REXO4: variants seen among roughly 807,000 people sequenced by gnomAD.
REXO4 encodes RNA exonuclease 4.
Under a neutral mutation model 39.9 loss-of-function variants are expected in REXO4, and 29 were observed. The observed-to-expected ratio is 0.73, with a 90% CI of 0.54 to 0.99. REXO4 has a LOEUF of 0.99. REXO4 is among the 50% of genes least tolerant of loss of function. REXO4 has a pLI of 0.00. For synonymous variants in REXO4, 184 were observed against 206.2 expected (o/e 0.89, Z 0.92); for missense variants, 524 against 546.5 (o/e 0.96, Z 0.41).
chr9:133,408,698 G>A, intron 6 of REXO4, 70 bp downstream of exon 6: 1 of 1,061,454 alleles, frequency 9.4e-7, no homozygotes, highest in East Asian at 2.4e-5. Flanking sequence ...TCAGCCACCA[G>A]TGACCAGAAA....
intron 1 of REXO4, among the ~76,000 whole-genome samples, chr9:133,415,395 T>C (rs1839521255): frequency 6.6e-6 from 1 of 151,604 alleles, no homozygotes; most frequent in South Asian, 2.1e-4. Flanking sequence ...GCCAACATCC[T>C]GCTACACAGA....
chr9:133,417,500 A>G, intron 1 of REXO4, 120 bp downstream of exon 1: 1 of 1,040,922 alleles, frequency 9.6e-7, no homozygotes. Flanking sequence ...AAAGCTGTTT[A>G]CAAGATTTCG....
chr9:133,412,164 C>T (rs1365104647), intron 4 of REXO4, 135 bp downstream of exon 4: 4 of 889,740 alleles, frequency 4.5e-6, no homozygotes, highest in East Asian at 2.4e-5. Flanking sequence ...TTTTAAAACC[C>T]ATCGCCCCAA....
At chr9:133,410,883 G>T in intron 5 of REXO4, 102 bp downstream of exon 5, 1 of 835,566 alleles carries the variant, frequency 1.2e-6, no homozygotes, top group Non-Finnish European at 2.1e-6. Flanking sequence ...CCAACATAGA[G>T]CACAAACCCA....
At chr9:133,410,926 C>A in intron 5 of REXO4, 59 bp downstream of exon 5, 1 of 1,263,804 alleles carries the variant, frequency 7.9e-7, no homozygotes, top group Non-Finnish European at 1.2e-6. Context: ...ACAGCAAGGG[C>A]GTGAGTGTAA....
chr9:133,414,243 G>A (rs1839414296), intron 2 of REXO4: 2 of 371,106 alleles, frequency 5.4e-6, no homozygotes, highest in African/African-American at 2.1e-5. Context: ...CTCCATCACA[G>A]GGTTGAAGTA....
chr9:133,410,567 G>A (rs1839160096), intron 5 of REXO4, among the ~76,000 whole-genome samples: 1 of 152,246 alleles, frequency 6.6e-6, no homozygotes, highest in Non-Finnish European at 1.5e-5. Flanking sequence ...GAAGGCAAAG[G>A]CAAGCTCCCA....
At chr9:133,408,442 G>C (rs1253210157) in intron 6 of REXO4, among the ~76,000 whole-genome samples, 4 of 150,376 alleles carry the variant, frequency 2.7e-5, no homozygotes, top group Non-Finnish European at 4.4e-5. Flanking sequence ...CTGGGTGACA[G>C]AGCAAGACCC....
At chr9:133,415,735 A>G (rs1167203851) in intron 1 of REXO4, 1 of 152,246 alleles carries the variant, frequency 6.6e-6, no homozygotes, top group Admixed American at 6.5e-5. Flanking sequence ...AAGTTTCCCT[A>G]TAGCACACAT....
intron 6 of REXO4, 58 bp from the exon 7 acceptor site, chr9:133,407,939 C>T: frequency 7.2e-7 from 1 of 1,389,672 alleles, no homozygotes; most frequent in Non-Finnish European, 1.0e-6. Context: ...AAGAGGGTCA[C>T]CCCACCAAGC....
Position 133,414,861 on chromosome 9 carries a change from C to T in REXO4, c.376G>A (p.Glu126Lys). The stretch of plus-strand genomic sequence containing the variant: ...GAAGGAACAGAGCCCCTGCTGGCCT[C>T]CTGGTCTTTTCCTGCCGGCATCTCC... ...GEEMPAGKDQEASRGSVPSGS... is the reference protein window; with the variant it reads ...GEEMPAGKDQKASRGSVPSGS... Residue 126 changes from glutamate to lysine, a missense_variant, in exon 2 of 8, where the codon GAG becomes AAG. Transcript: ENST00000371942. 6.2e-7 allele frequency: 1 copy of T among 1,614,158 alleles called. No homozygotes were observed.
Position 133,414,800 on chromosome 9 carries a change from C to T in REXO4, c.437G>A (p.Arg146His), listed in dbSNP as rs377306235. 31 of 1,614,042 alleles carry T rather than the reference C, an allele frequency of 1.9e-5. No individual in the cohort carries two copies. The African/African-American group carries it at 2.8e-4, about 15-fold the overall frequency. Residue 146 changes from arginine (R) to histidine (H), a missense_variant, in exon 2 of 8, where the codon CGC becomes CAC. Physicochemically the swap from Arg to His is conservative, Grantham distance 29. Transcript: ENST00000371942. The stretch of plus-strand genomic sequence containing the variant: ...GTGCTCTGTTCCACTGGCCTTGGTG[C>T]GAGGTACTGGCGCCCTCCTGTCCAT... ...SKMDRRAPVP[R>H]TKASGTEHNK... is the part of the protein sequence containing the mutation.
intron 1 of REXO4, among the ~76,000 whole-genome samples, chr9:133,416,370 A>T (rs56190949): frequency 2.6e-5 from 4 of 152,154 alleles, no homozygotes; most frequent in African/African-American, 7.2e-5. Flanking sequence ...TTTCTTTTTT[A>T]AAAAAACTAC....
rs782296694 is a variant in REXO4, at chr9:133,406,917, C to G, written c.*36G>C. 6.2e-7 allele frequency: 1 copy of G among 1,605,980 alleles called. No individual in the cohort carries two copies. The highest frequency in any genetic ancestry group is 1.7e-5 in the Admixed American group (1 of 60,028). On this transcript the variant is annotated 3_prime_UTR_variant, in exon 8 of 8. Transcript: ENST00000371942. The stretch of plus-strand genomic sequence containing the variant: ...GTCCCTGTGACTGGTCACATTGCCT[C>G]TGTAGCGGGGCGGCAGCAGCAGCAG...
chr9:133,414,735 C>T lies in REXO4; in HGVS notation c.502G>A (p.Val168Ile), dbSNP rs140261963. 95 of 1,614,162 alleles carry T rather than the reference C, an allele frequency of 5.9e-5. 1 individual carries two copies. The African/African-American group carries it at 1.1e-3, about 18-fold the overall frequency. Residue 168 changes from valine (V) to isoleucine (I), a missense_variant, in exon 2 of 8, where the codon GTT becomes ATT. Transcript: ENST00000371942. Reference protein sequence around the residue: ...GTKERTNGDIVPERGDIEHKK... With the variant: ...GTKERTNGDIIPERGDIEHKK... The stretch of plus-strand genomic sequence containing the variant: ...TGCTCGATGTCCCCTCGTTCTGGAA[C>T]AATATCACCATTTGTCCTTTCCTTG...
At position 133,408,948 on chromosome 9, in the gene REXO4, G is replaced by A; in HGVS notation, c.1000-106C>T. The stretch of plus-strand genomic sequence containing the variant: ...AAGTAACATCTTTGTGTGTGTGTGT[G>A]TGTGTGTGTGTGTGTGTGTGTGTGT... On this transcript the variant is annotated intron_variant, in intron 5 of 7. Coordinates refer to ENST00000371942, the MANE Select transcript of REXO4 (RefSeq NM_020385.4). 1.8e-5 allele frequency: 8 copies of A among 451,500 alleles called. No individual in the cohort carries two copies. In the East Asian group the frequency reaches 2.5e-4, roughly 14 times the overall value. The allele number at this position is 451,500 out of a possible 1,614,324, so 28.0% of individuals were successfully genotyped here. A position where few individuals can be genotyped will look rare whatever the true frequency, so the allele number is the denominator to read the frequency against.
At chr9:133,415,081 A>T in intron 1 of REXO4, 70 bp from the exon 2 acceptor site, 1 of 1,285,242 alleles carries the variant, frequency 7.8e-7, no homozygotes, top group Non-Finnish European at 1.1e-6. Flanking sequence ...GAAAAAACTT[A>T]CGTGTGTATG....
At position 133,408,584 on chromosome 9, in the gene REXO4, G is replaced by A. The variant is rs587698907; in HGVS notation, c.1074+184C>T. Among the ~76,000 whole-genome samples, 300 of 152,212 alleles carry A rather than the reference G, an allele frequency of 2.0e-3. 2 individuals carry two copies. The South Asian group carries it at 0.025, about 13-fold the overall frequency. ...TTAGAGTGGAAATAACTTGCCCTCC[G>A]TTGCAATCATTTTTAAGGTCAGCAA... On this transcript the variant is annotated intron_variant, in intron 6 of 7. Coordinates refer to ENST00000371942, the MANE Select transcript of REXO4 (RefSeq NM_020385.4).
intron 1 of REXO4, among the ~76,000 whole-genome samples, chr9:133,416,497 G>C (rs1839608543): frequency 6.6e-6 from 1 of 152,200 alleles, no homozygotes; most frequent in African/African-American, 2.4e-5. Context: ...ACACGTGTGG[G>C]CTACTCGGGA....
Sources: gnomAD v4.1 joint callset for allele counts (sites outside exome capture counted in the v4.1 genomes callset) on GRCh38, gnomAD v4.1.1 for gene constraint, MANE v1.5 for transcripts, NCBI Gene and HGNC (gene_info 2026-07-23, HGNC 2026-07-21) for gene names.